Variants in BCAR3 observed in about 807,000 individuals in gnomAD.
BCAR3 encodes breast cancer anti-estrogen resistance protein 3.
A neutral mutation model predicts 80.1 loss-of-function variants in BCAR3; 37 were observed. The ratio of observed to expected loss-of-function variants is 0.46; its 90% CI spans 0.36 to 0.61. BCAR3 has a LOEUF of 0.61. Among genes scored for constraint, BCAR3 ranks in the 20% least tolerant of loss-of-function variants. The pLI is 0.00. For synonymous variants in BCAR3, 389 were observed against 418.9 expected (o/e 0.93, Z 0.87); for missense variants, 978 against 1,068.2 (o/e 0.92, Z 1.18).
intron 2 of BCAR3, among the ~76,000 whole-genome samples, chr1:93,816,858 C>G (rs1036828892): frequency 5.3e-5 from 8 of 151,882 alleles, no homozygotes; most frequent in African/African-American, 1.9e-4. Flanking sequence ...AACAAAACCC[C>G]CCAAACTAAA....
chr1:93,778,659 C>T (rs1652657775), intron 2 of BCAR3, among the ~76,000 whole-genome samples: 1 of 152,176 alleles, frequency 6.6e-6, no homozygotes, highest in Non-Finnish European at 1.5e-5. Flanking sequence ...GGGTTCCCAG[C>T]CACCTGCCAG....
chr1:93,587,549 G>A (rs1673994344), intron 5 of BCAR3, among the ~76,000 whole-genome samples: 1 of 152,160 alleles, frequency 6.6e-6, no homozygotes, highest in Non-Finnish European at 1.5e-5. Context: ...CCTGGCTACT[G>A]GGTCCCCAGC....
intron 2 of BCAR3, among the ~76,000 whole-genome samples, chr1:93,786,219 A>AAAAAAAAAAAG (rs1557688155): frequency 6.7e-6 from 1 of 148,780 alleles, no homozygotes; most frequent in African/African-American, 2.5e-5. Context: ...AAAAAAAAAA[A>AAAAAAAAAAAG]GTGCCATGCA....
chr1:93,651,307 AC>A lies in BCAR3; in HGVS notation c.318-8965del, dbSNP rs1676319805. Among the ~76,000 whole-genome samples the A allele has an allele frequency of 2.6e-5, 4 of 152,286 alleles. No individual in the cohort carries two copies. In the South Asian group the frequency reaches 8.3e-4, roughly 32 times the overall value. ...TCACTTAAGGAAGTACTTTCCAAAA[AC>A]TACACCATCTGAAAATGGGATGAAC... On this transcript the variant is annotated intron_variant, in intron 2 of 11. Transcript: ENST00000260502.
At chr1:93,695,148 T>G (rs1242865138) in intron 3 of BCAR3, among the ~76,000 whole-genome samples, 1 of 152,236 alleles carries the variant, frequency 6.6e-6, no homozygotes, top group Non-Finnish European at 1.5e-5. Flanking sequence ...TCCTTCTTCC[T>G]TCCCTGCCCA....
chr1:93,582,167 T>C, intron 7 of BCAR3, 134 bp downstream of exon 7: 2 of 1,186,724 alleles, frequency 1.7e-6, no homozygotes, highest in South Asian at 1.6e-5. Context: ...GGGCAAAGCA[T>C]TTAATGGGTG....
intron 3 of BCAR3, among the ~76,000 whole-genome samples, chr1:93,630,148 T>A (rs935086394): frequency 2.0e-5 from 3 of 152,232 alleles, no homozygotes; most frequent in Non-Finnish European, 4.4e-5. Context: ...TTTACCCTGA[T>A]GTGATTATTA....
chr1:93,614,111 T>G, intron 3 of BCAR3: 2 of 1,413,634 alleles, frequency 1.4e-6, no homozygotes, highest in Non-Finnish European at 1.8e-6. Flanking sequence ...ACTTTTCCCC[T>G]CTGCTGAAGC....
intron 2 of BCAR3, among the ~76,000 whole-genome samples, chr1:93,769,401 G>C (rs1393340524): frequency 7.0e-6 from 1 of 142,286 alleles, no homozygotes; most frequent in East Asian, 2.1e-4. Context: ...GTGTGTGTGT[G>C]TGTGTGTCAA....
At chr1:93,572,803 G>A (rs1320592479) in intron 8 of BCAR3, among the ~76,000 whole-genome samples, 1 of 152,194 alleles carries the variant, frequency 6.6e-6, no homozygotes, top group Non-Finnish European at 1.5e-5. Context: ...TGTCCTGAAC[G>A]TTCGGAGCTT....
intron 1 of BCAR3, among the ~76,000 whole-genome samples, chr1:93,676,304 A>G (rs1648486258): frequency 6.6e-6 from 1 of 151,090 alleles, no homozygotes; most frequent in African/African-American, 2.5e-5. Context: ...CAATGACATT[A>G]GAGTGTGTAA....
At chr1:93,776,458 T>C (rs1482759027) in intron 2 of BCAR3, among the ~76,000 whole-genome samples, 1 of 152,238 alleles carries the variant, frequency 6.6e-6, no homozygotes, top group Non-Finnish European at 1.5e-5. Context: ...AATTAAGTTT[T>C]TTAAACTGTC....
chr1:93,768,488 G>A (rs1293487360), intron 2 of BCAR3, among the ~76,000 whole-genome samples: 1 of 152,122 alleles, frequency 6.6e-6, no homozygotes, highest in Non-Finnish European at 1.5e-5. Flanking sequence ...AAGTGTCTGT[G>A]GGAGGATGCC....
chr1:93,573,616 T>TTG (rs1557838231), intron 8 of BCAR3, among the ~76,000 whole-genome samples: 1 of 140,430 alleles, frequency 7.1e-6, no homozygotes, highest in African/African-American at 2.8e-5. Flanking sequence ...ATTTTTATTA[T>TTG]TATTATTATT....
intron 2 of BCAR3, among the ~76,000 whole-genome samples, chr1:93,642,905 CCTA>C (rs1676028280): frequency 6.6e-6 from 1 of 152,228 alleles, no homozygotes; most frequent in Non-Finnish European, 1.5e-5. Flanking sequence ...AGCAATTCAT[CCTA>C]CTGTTCTGTG....
At chr1:93,726,555 C>T (rs942588788) in intron 2 of BCAR3, among the ~76,000 whole-genome samples, 1 of 152,108 alleles carries the variant, frequency 6.6e-6, no homozygotes, top group African/African-American at 2.4e-5. Flanking sequence ...ACTCAGATTA[C>T]TTCTTGACTT....
chr1:93,647,195 G>A (rs1182294674), intron 2 of BCAR3, among the ~76,000 whole-genome samples: 1 of 152,180 alleles, frequency 6.6e-6, no homozygotes, highest in Non-Finnish European at 1.5e-5. Flanking sequence ...GGTAAAGAAG[G>A]TAAAAAGGAA....
rs540384535 is a variant in BCAR3 at position 93,830,847 on chromosome 1, C to G, written c.-63+14720G>C. Reference sequence around the variant, plus strand: ...AGATCCACCTACCACCTCAGGTCTTCAGACCAACCAGCCCAAGAAACATCT... The same window carrying G: ...AGATCCACCTACCACCTCAGGTCTTGAGACCAACCAGCCCAAGAAACATCT... On this transcript the variant is annotated intron_variant, in intron 2 of 13. Transcript: ENST00000370244. Among the ~76,000 whole-genome samples, 62 of 152,222 alleles carry G rather than the reference C, an allele frequency of 4.1e-4. 3 individuals are homozygous for G. Among genetic ancestry groups the G allele is most frequent in the African/African-American group, 1.4e-3 (60 of 41,516 alleles).
At chr1:93,727,600 T>G (rs1192470168) in intron 2 of BCAR3, among the ~76,000 whole-genome samples, 1 of 152,242 alleles carries the variant, frequency 6.6e-6, no homozygotes, top group East Asian at 1.9e-4. Context: ...TAATCCAGAC[T>G]GCACACTTTA....
Sources: allele counts gnomAD v4.1 joint callset (sites outside exome capture counted in the v4.1 genomes callset), GRCh38; gene constraint gnomAD v4.1.1; transcripts MANE v1.5; gene names NCBI Gene and HGNC (gene_info 2026-07-23, HGNC 2026-07-21).